The following RGS17 variants were observed in gnomAD, a reference collection of about 807,000 sequenced individuals.
RGS17 encodes the protein regulator of G protein signaling 17, also known as regulator of G-protein signaling 17.
In RGS17, 12 loss-of-function variants were observed where a neutral mutation model predicts 25.5. The ratio of observed to expected loss-of-function variants is 0.47; its 90% confidence interval spans 0.30 to 0.76. The LOEUF (loss-of-function observed/expected upper bound fraction) is 0.76, where lower values mean the gene tolerates loss of function less well. Among genes scored for constraint, RGS17 ranks in the 30% least tolerant of loss-of-function variants. RGS17 has a pLI of 0.07. For missense variants in RGS17, 196 were observed against 242.2 expected (o/e 0.81, Z 1.27); for synonymous variants, 71 against 76.9 (o/e 0.92, Z 0.40).
intron 1 of RGS17, among the ~76,000 whole-genome samples, chr6:153,109,546 A>C (rs1777437335): frequency 6.6e-6 from 1 of 152,222 alleles, no homozygotes; most frequent in Admixed American, 6.5e-5. Flanking sequence ...ATCACGATCA[A>C]ACCTCCTCTT....
chr6:153,120,825 A>G (rs1777620307), intron 1 of RGS17, among the ~76,000 whole-genome samples: 1 of 146,354 alleles, frequency 6.8e-6, no homozygotes, highest in Non-Finnish European at 1.5e-5. Context: ...CTTTATTTAC[A>G]TTGTTTTTGA....
intron 1 of RGS17, among the ~76,000 whole-genome samples, chr6:153,104,688 T>G (rs1777353053): frequency 6.6e-6 from 1 of 150,770 alleles, no homozygotes; most frequent in Non-Finnish European, 1.5e-5. Flanking sequence ...CATTTAAGAG[T>G]TATAGAGAGA....
chr6:153,128,441 C>CCT (rs1777737454), intron 1 of RGS17, among the ~76,000 whole-genome samples: 1 of 152,150 alleles, frequency 6.6e-6, no homozygotes, highest in African/African-American at 2.4e-5. Context: ...ATCATCCATG[C>CCT]CTACCTTCCT....
intron 4 of RGS17, among the ~76,000 whole-genome samples, chr6:153,017,095 G>C (rs1408246743): frequency 6.6e-6 from 1 of 152,196 alleles, no homozygotes; most frequent in East Asian, 1.9e-4. Flanking sequence ...AGGTGGTGTG[G>C]AGAAAAGAGT....
At chr6:153,124,278 G>C (rs1396809980) in intron 1 of RGS17, among the ~76,000 whole-genome samples, 1 of 152,118 alleles carries the variant, frequency 6.6e-6, no homozygotes, top group African/African-American at 2.4e-5. Context: ...ATTAATCTTT[G>C]TATCCAAAAA....
intron 1 of RGS17, among the ~76,000 whole-genome samples, chr6:153,086,372 G>A (rs1385754337): frequency 2.0e-5 from 3 of 152,108 alleles, no homozygotes; most frequent in African/African-American, 4.8e-5. Context: ...TACCAGTGAT[G>A]ACTGATTTCA....
In RGS17 at chr6:153,049,809, C is replaced by A. The variant is rs530681941; in HGVS notation, c.-25-5766G>T. Among the ~76,000 whole-genome samples, 256 of 152,170 alleles carry A rather than the reference C, an allele frequency of 1.7e-3. 1 individual carries two copies. The highest frequency in any genetic ancestry group is 5.7e-3 in the African/African-American group (238 of 41,522). ...TGTGATCACAGTAAAAATTCTAATT[C>A]AATCATTCATGGAACTTAACAAATG... On this transcript the variant is annotated intron_variant, in intron 1 of 4. Coordinates refer to ENST00000206262, the MANE Select transcript of RGS17 (RefSeq NM_012419.5).
intron 1 of RGS17, among the ~76,000 whole-genome samples, chr6:153,072,658 G>A (rs931781608): frequency 6.6e-6 from 1 of 152,190 alleles, no homozygotes; most frequent in Non-Finnish European, 1.5e-5. Flanking sequence ...AGCCCTCAGA[G>A]GGCTCAAGAA....
chr6:153,130,485 C>T lies in RGS17; in HGVS notation c.-26+639G>A, dbSNP rs12194689. ...CACCCCCTATACATACATACACATA[C>T]ACACACACACACACACACACACACC... On this transcript the variant is annotated intron_variant, in intron 1 of 4. Transcript: ENST00000206262. This position sits in a 1 kb window ranked among gnomAD's most constrained non-coding sequence, Gnocchi z 6.4. Among the ~76,000 whole-genome samples, 1 of 50,066 alleles carries T rather than the reference C, an allele frequency of 2.0e-5. No individual in the cohort carries two copies. The highest frequency in any genetic ancestry group is 1.3e-4 in the African/African-American group (1 of 7,812). The allele number at this position is 50,066 out of a possible 152,430, so 32.8% of individuals were successfully genotyped here.
chr6:153,064,024 A>T (rs906702665), intron 1 of RGS17, among the ~76,000 whole-genome samples: 1 of 151,944 alleles, frequency 6.6e-6, no homozygotes, highest in African/African-American at 2.4e-5. Flanking sequence ...AAGGAGAAAT[A>T]AAGACTTTCC....
At chr6:153,074,336 A>G (rs1776847280) in intron 1 of RGS17, among the ~76,000 whole-genome samples, 1 of 152,156 alleles carries the variant, frequency 6.6e-6, no homozygotes, top group South Asian at 2.1e-4. Context: ...ATTGCAAGTT[A>G]GTGTTTCAGG....
At chr6:153,038,688 C>T (rs1215272272) in intron 2 of RGS17, among the ~76,000 whole-genome samples, 1 of 152,160 alleles carries the variant, frequency 6.6e-6, no homozygotes, top group East Asian at 1.9e-4. Flanking sequence ...GTTTCTTTAC[C>T]ATGGTGCAGG....
chr6:153,030,134 A>G (rs1455263972), intron 2 of RGS17, among the ~76,000 whole-genome samples: 1 of 152,192 alleles, frequency 6.6e-6, no homozygotes, highest in Non-Finnish European at 1.5e-5. Flanking sequence ...GACTTTGAAA[A>G]GGGAGGAAAA....
chr6:153,027,742 T>C (rs934902039), intron 2 of RGS17, among the ~76,000 whole-genome samples: 3 of 152,188 alleles, frequency 2.0e-5, no homozygotes, highest in African/African-American at 7.2e-5. Context: ...ATTGGAAGCC[T>C]ACCCTGTTCA....
At chr6:153,131,071 G>C (rs1777785999) in intron 1 of RGS17, 53 bp downstream of exon 1, 1 of 152,046 alleles carries the variant, frequency 6.6e-6, no homozygotes, top group African/African-American at 2.4e-5. Flanking sequence ...GTGCAAAGCA[G>C]ACATTTTGAT....
intron 2 of RGS17, 96 bp downstream of exon 2, chr6:153,043,804 T>G: frequency 1.5e-6 from 1 of 683,258 alleles, no homozygotes; most frequent in Non-Finnish European, 2.5e-6. Flanking sequence ...AAAAAAGACA[T>G]GTTGAGCAGT....
intron 2 of RGS17, among the ~76,000 whole-genome samples, chr6:153,034,262 C>A (rs1776203859): frequency 6.6e-6 from 1 of 152,100 alleles, no homozygotes; most frequent in South Asian, 2.1e-4. Context: ...AGAAACAAAA[C>A]CCTGCTATAT....
intron 1 of RGS17, among the ~76,000 whole-genome samples, chr6:153,077,955 C>T (rs963932077): frequency 7.2e-5 from 11 of 151,990 alleles, no homozygotes; most frequent in Non-Finnish European, 1.6e-4. Flanking sequence ...CTCAACGCAA[C>T]CTCTGCCTCC....
At position 153,009,800 on chromosome 6, in the gene RGS17, C is replaced by A. The variant is rs756879125; in HGVS notation, c.*1774G>T. The stretch of plus-strand genomic sequence containing the variant: ...CAATTTTTAAAAAATCCCATTTTGT[C>A]AAACACTGCAACAGTTAAAATATTT... On this transcript the variant is annotated 3_prime_UTR_variant, in exon 5 of 5. Transcript: ENST00000206262. 6.6e-6 allele frequency: 1 copy of A among 151,948 alleles called. No homozygotes were observed. The highest frequency in any genetic ancestry group is 2.4e-5 in the African/African-American group (1 of 41,520). 9.4% of individuals were successfully genotyped at this position (151,948 alleles called of 1,614,324 possible). A position where few individuals can be genotyped will look rare whatever the true frequency, so the allele number is the denominator to read the frequency against.
Sources: allele counts gnomAD v4.1 joint callset (sites outside exome capture counted in the v4.1 genomes callset), GRCh38; gene constraint gnomAD v4.1.1; non-coding constraint Gnocchi (gnomAD v3.1); transcripts MANE v1.5; gene names NCBI Gene and HGNC (gene_info 2026-07-23, HGNC 2026-07-21).